The following PTPRS variants were observed in gnomAD, a reference collection of about 807,000 sequenced individuals.
The protein encoded by PTPRS is receptor-type tyrosine-protein phosphatase S.
PTPRS carries 63 observed loss-of-function variants against 215.3 expected under a neutral mutation model. The ratio of observed to expected loss-of-function variants is 0.29; its 90% CI spans 0.24 to 0.36. PTPRS has a LOEUF of 0.36. Among genes scored for constraint, PTPRS ranks in the 10% least tolerant of loss-of-function variants. PTPRS has a pLI of 1.00. For missense variants in PTPRS, 2,258 were observed against 2,825.8 expected (o/e 0.80, Z 4.56); for synonymous variants, 1,404 against 1,191.4 (o/e 1.18, Z -3.68).
rs376549612 is a variant in PTPRS, at chr19:5,214,608, G to A, written c.4447C>T (p.Arg1483Trp). The change falls in exon 29 of 38, where the codon CGG (arginine) becomes TGG (tryptophan). Residue 1483 changes from arginine to tryptophan, a missense_variant. Transcript: ENST00000262963. ...GDFWRMVWEQ[R>W]SATIVMMTRL... ...GTCATCATGACGATGGTCGCCGACCGCTGCTCCCACACCATACGCCAGAAG... is the reference window on the plus strand; with the variant it reads ...GTCATCATGACGATGGTCGCCGACCACTGCTCCCACACCATACGCCAGAAG... 5.6e-6 allele frequency: 9 copies of A among 1,612,740 alleles called. No homozygotes were observed. Among genetic ancestry groups the A allele is most frequent in the African/African-American group, 2.7e-5 (2 of 75,060 alleles).
intron 26 of PTPRS, among the ~76,000 whole-genome samples, 195 bp downstream of exon 26, chr19:5,216,525 G>A (rs1350785381): frequency 6.6e-6 from 1 of 152,046 alleles, no homozygotes; most frequent in Non-Finnish European, 1.5e-5. Context: ...CACACACACA[G>A]CAGTCACACA....
At chr19:5,261,809 T>G (rs1192298803) in intron 6 of PTPRS, among the ~76,000 whole-genome samples, 1 of 152,194 alleles carries the variant, frequency 6.6e-6, no homozygotes, top group Non-Finnish European at 1.5e-5. Flanking sequence ...TCGGAGTCCC[T>G]GAATTATCTT....
chr19:5,326,353 C>G (rs1432460259), intron 1 of PTPRS, among the ~76,000 whole-genome samples: 5 of 152,214 alleles, frequency 3.3e-5, no homozygotes, highest in Middle Eastern at 3.2e-3. Flanking sequence ...CAGGCTTCAG[C>G]TTTCAGCCTG....
chr19:5,262,769 G>A (rs1020880764), intron 6 of PTPRS, among the ~76,000 whole-genome samples, 195 bp downstream of exon 6: 2 of 151,932 alleles, frequency 1.3e-5, no homozygotes, highest in East Asian at 1.9e-4. Flanking sequence ...TTTCTCTGCC[G>A]CACACTAGTG....
In PTPRS at chr19:5,293,186, G is replaced by A. The variant is rs1334295682; in HGVS notation, c.-94-6952C>T. 19 of 151,792 alleles carry A rather than the reference G, an allele frequency of 1.3e-4. No homozygotes were observed. Among genetic ancestry groups the A allele is most frequent in the Admixed American group, 1.2e-3 (18 of 15,284 alleles). The allele number at this position is 151,792 out of a possible 1,614,324, so 9.4% of individuals were successfully genotyped here. ...CCCAGGCCCCGCGAGGCCTCCACAG[G>A]GCCCGCCGCAGCCGCTCCCCGCGTC... On this transcript the variant is annotated intron_variant, in intron 1 of 37. Transcript: ENST00000262963. The surrounding 1 kb of genome is among the most constrained non-coding windows in gnomAD (Gnocchi z 8.4).
In PTPRS at chr19:5,304,885, G is replaced by A. The variant is rs562292849; in HGVS notation, c.-94-18651C>T. 1.7e-4 allele frequency among the ~76,000 whole-genome samples: 25 copies of A among 150,214 alleles called. No homozygotes were observed. The South Asian group carries it at 1.7e-3, about 10-fold the overall frequency. On this transcript the variant is annotated intron_variant, in intron 1 of 37. Transcript: ENST00000262963. Reference sequence around the variant, plus strand: ...TAGCCCTGAACAAAACAGAAAAGGAGAGGGTGGGGACCCTGGGCCAGGTCC... The same window carrying A: ...TAGCCCTGAACAAAACAGAAAAGGAAAGGGTGGGGACCCTGGGCCAGGTCC...
intron 1 of PTPRS, among the ~76,000 whole-genome samples, chr19:5,340,164 G>C (rs1483125113): frequency 6.6e-6 from 1 of 151,226 alleles, no homozygotes; most frequent in African/African-American, 2.4e-5. Context: ...GCTCCTCTCC[G>C]CTCCGGGGCG....
chr19:5,271,999 T>C (rs1211918548), intron 4 of PTPRS, among the ~76,000 whole-genome samples: 1 of 152,152 alleles, frequency 6.6e-6, no homozygotes, highest in African/African-American at 2.4e-5. Flanking sequence ...GTGCTGGGAT[T>C]ACAGATGTTT....
In PTPRS at chr19:5,246,152, G is replaced by GAAGA. The variant is rs1043673738; in HGVS notation, c.719-111_719-108dup. 27 of 565,612 alleles carry GAAGA rather than the reference G, an allele frequency of 4.8e-5. No individual in the cohort carries two copies. The East Asian group carries it at 5.9e-4, about 12-fold the overall frequency. The allele number at this position is 565,612 out of a possible 1,614,324, so 35.0% of individuals were successfully genotyped here. On this transcript the variant is annotated intron_variant, in intron 9 of 37. Transcript: ENST00000262963. ...GGAGGAGAAAAAGAAAAGCAGGAAGGAAGAAAGAAAGAAGGAAAGAAAGAA... is the reference window on the plus strand; with the variant it reads ...GGAGGAGAAAAAGAAAAGCAGGAAGGAAGAAAGAAAGAAAGAAGGAAAGAAAGAA...
At chr19:5,292,480 G>T (rs988106682) in intron 1 of PTPRS, among the ~76,000 whole-genome samples, 1 of 152,144 alleles carries the variant, frequency 6.6e-6, no homozygotes, top group Non-Finnish European at 1.5e-5. Context: ...GTCCTGGAAC[G>T]GCTTAGAGCC....
chr19:5,333,367 G>A (rs181420449), intron 1 of PTPRS, among the ~76,000 whole-genome samples: 151 of 151,534 alleles, frequency 1.0e-3, no homozygotes, highest in African/African-American at 3.4e-3. Context: ...TCAGCTGGGC[G>A]TGCTGGTGGA....
At chr19:5,320,396 G>A (rs2049994725) in intron 1 of PTPRS, among the ~76,000 whole-genome samples, 1 of 152,224 alleles carries the variant, frequency 6.6e-6, no homozygotes, top group Admixed American at 6.5e-5. Flanking sequence ...GGCCAGTGTA[G>A]GGACAAGCCT....
At chr19:5,269,048 T>A (rs2046675672) in intron 4 of PTPRS, among the ~76,000 whole-genome samples, 1 of 152,140 alleles carries the variant, frequency 6.6e-6, no homozygotes. Flanking sequence ...TGGGCCTCAC[T>A]CAATTGGTCT....
rs549346120 is a variant in PTPRS at position 5,215,254 on chromosome 19, G to A, written c.4318+35C>T. Reference sequence around the variant, plus strand: ...GATCTAGCACTTTCCATGCAGTGGGGAAGGGCAGGTTAAGACCCGGGATCT... The same window carrying A: ...GATCTAGCACTTTCCATGCAGTGGGAAAGGGCAGGTTAAGACCCGGGATCT... On this transcript the variant is annotated intron_variant, in intron 28 of 37. Transcript: ENST00000262963. The A allele has an allele frequency of 6.5e-4, 1,053 of 1,610,154 alleles. 20 individuals carry two copies. In the South Asian group the frequency reaches 0.011, roughly 17 times the overall value.
chr19:5,306,199 C>T (rs1378962391), intron 1 of PTPRS, among the ~76,000 whole-genome samples: 1 of 148,668 alleles, frequency 6.7e-6, no homozygotes, highest in East Asian at 2.0e-4. Flanking sequence ...GGCTGGAGTA[C>T]AGCGGCACAA....
At chr19:5,271,094 A>C (rs1296068173) in intron 4 of PTPRS, among the ~76,000 whole-genome samples, 1 of 152,126 alleles carries the variant, frequency 6.6e-6, no homozygotes, top group Non-Finnish European at 1.5e-5. Flanking sequence ...CGTGGAGGAC[A>C]TTGGAATAGC....
chr19:5,222,284 G>T, intron 18 of PTPRS, 64 bp from the exon 19 acceptor site: 1 of 1,404,200 alleles, frequency 7.1e-7, no homozygotes. Context: ...CCTGGCACTG[G>T]GTGGCGTGAA....
chr19:5,254,854 G>C (rs1026466307), intron 9 of PTPRS, among the ~76,000 whole-genome samples: 2 of 152,176 alleles, frequency 1.3e-5, no homozygotes, highest in Non-Finnish European at 2.9e-5. Flanking sequence ...GGCACTTCTG[G>C]ATTGGTACCC....
chr19:5,240,732 G>A (rs1329755555), intron 11 of PTPRS, among the ~76,000 whole-genome samples: 4 of 151,318 alleles, frequency 2.6e-5, no homozygotes, highest in African/African-American at 4.8e-5. Flanking sequence ...CCAGCTACTC[G>A]GGAGGCTGAG....
Sources: gnomAD v4.1 joint callset for allele counts (sites outside exome capture counted in the v4.1 genomes callset) on GRCh38, gnomAD v4.1.1 for gene constraint, Gnocchi (gnomAD v3.1) non-coding constraint, MANE v1.5 for transcripts, NCBI Gene and HGNC (gene_info 2026-07-23, HGNC 2026-07-21) for gene names.